The following MAML1 variants were observed in gnomAD, a reference collection of about 807,000 sequenced individuals.
MAML1 encodes mastermind-like protein 1.
Under a neutral mutation model 77.1 loss-of-function variants are expected in MAML1, and 14 were observed. The ratio of observed to expected loss-of-function variants is 0.18; its 90% CI spans 0.12 to 0.28. The LOEUF (loss-of-function observed/expected upper bound fraction) is 0.28, where lower values mean the gene tolerates loss of function less well. Among genes scored for constraint, MAML1 ranks in the 10% least tolerant of loss-of-function variants. The probability of loss-of-function intolerance (pLI) is 1.00; values close to 1 mark genes in which losing one functional copy is unlikely to be tolerated. For synonymous variants in MAML1, 516 were observed against 551.9 expected, an observed-to-expected ratio of 0.93 and a Z score of 0.91; for missense variants, 1,217 against 1,327.8, an observed-to-expected ratio of 0.92 and a Z score of 1.30.
At chr5:179,753,651 A>ATTTTTTTTT (rs372124056) in intron 1 of MAML1, among the ~76,000 whole-genome samples, 31 of 66,356 alleles carry the variant, frequency 4.7e-4, no homozygotes, top group East Asian at 1.3e-3. Context: ...TATTATTATT[A>ATTTTTTTTT]TTATTTTTTT....
At chr5:179,761,288 G>C (rs1779721374) in intron 1 of MAML1, among the ~76,000 whole-genome samples, 1 of 152,144 alleles carries the variant, frequency 6.6e-6, no homozygotes, top group Admixed American at 6.5e-5. Flanking sequence ...CAGCTACTCA[G>C]GAGGCTGAGG....
At chr5:179,737,974 T>G (rs1194680199) in intron 1 of MAML1, among the ~76,000 whole-genome samples, 2 of 148,328 alleles carry the variant, frequency 1.3e-5, no homozygotes, top group Non-Finnish European at 1.5e-5. Flanking sequence ...GTTTTAAAGT[T>G]TTTTGTAGAG....
chr5:179,767,008 C>T (rs1779832743), intron 2 of MAML1, among the ~76,000 whole-genome samples: 1 of 151,136 alleles, frequency 6.6e-6, no homozygotes, highest in African/African-American at 2.4e-5. Context: ...TCCACTGTCT[C>T]TTTCGTGCCG....
chr5:179,765,421 TAAG>T lies in MAML1; in HGVS notation c.416_418del (p.Lys139del). On this transcript the variant is annotated inframe_deletion, in exon 2 of 5. Coordinates refer to ENST00000292599, the MANE Select transcript of MAML1 (RefSeq NM_014757.5). ...GCTACGGGGACCTCTTTCCTGGGCA[TAAG>T]AAGACTCGCCGGGAGGCCCCTCTGG... 1 of 1,614,220 alleles carries T rather than the reference TAAG, an allele frequency of 6.2e-7. No individual in the cohort carries two copies. Among genetic ancestry groups the T allele is most frequent in the Non-Finnish European group, 8.5e-7 (1 of 1,180,030 alleles).
chr5:179,775,711 C>T lies in MAML1; in HGVS notation c.*834C>T. 1 of 985,474 alleles carries T rather than the reference C, an allele frequency of 1.0e-6. No homozygotes were observed. The highest frequency in any genetic ancestry group is 1.7e-5 in the African/African-American group (1 of 57,352). 61.0% of individuals were successfully genotyped at this position (985,474 alleles called of 1,614,324 possible). ...TATCCTGGAGTATTATGTCTCCCCA[C>T]CTTCTGCAGTTTTCTCTGAACATGT... On this transcript the variant is annotated 3_prime_UTR_variant, in exon 5 of 5. Transcript: ENST00000292599.
Position 179,769,184 on chromosome 5 carries a change from T to C in MAML1, c.1971+95T>C, listed in dbSNP as rs926999132. On this transcript the variant is annotated intron_variant, in intron 3 of 4. Transcript: ENST00000292599. This position sits in a 1 kb window ranked among gnomAD's most constrained non-coding sequence, Gnocchi z 4.2. ...ACACCTTCTGCTTGTGCGTGTGGATTTGCGCAGACTTGCGTGCCTGTTGTT... is the reference window on the plus strand; with the variant it reads ...ACACCTTCTGCTTGTGCGTGTGGATCTGCGCAGACTTGCGTGCCTGTTGTT... The C allele has an allele frequency of 2.0e-6, 3 of 1,507,664 alleles. No homozygotes were observed. In the South Asian group the frequency reaches 3.8e-5, roughly 19 times the overall value. 93.4% of individuals were successfully genotyped at this position (1,507,664 alleles called of 1,614,324 possible).
intron 4 of MAML1, 110 bp from the exon 5 acceptor site, chr5:179,773,785 C>T: frequency 1.3e-6 from 2 of 1,506,156 alleles, no homozygotes; most frequent in Non-Finnish European, 1.8e-6. Context: ...GCCCCCGGGG[C>T]CCTCTTCCCA....
At chr5:179,740,413 G>A (rs888918282) in intron 1 of MAML1, among the ~76,000 whole-genome samples, 1 of 152,122 alleles carries the variant, frequency 6.6e-6, no homozygotes, top group African/African-American at 2.4e-5. Flanking sequence ...TGGGACTACA[G>A]GTGCCCGCCA....
In MAML1 at chr5:179,768,923, T is replaced by C; in HGVS notation, c.1805T>C (p.Val602Ala). 6.2e-7 allele frequency: 1 copy of C among 1,614,140 alleles called. No individual in the cohort carries two copies. The highest frequency in any genetic ancestry group is 8.5e-7 in the Non-Finnish European group (1 of 1,180,038). Residue 602 changes from valine to alanine, a missense_variant, in exon 3 of 5, where the codon GTG becomes GCG. Transcript: ENST00000292599. ...GGGACCCAGCCGCCTGCCGTGTCCGTGGCCAGCTCCCACAACAGCTCCCCC... is the reference window on the plus strand; with the variant it reads ...GGGACCCAGCCGCCTGCCGTGTCCGCGGCCAGCTCCCACAACAGCTCCCCC... ...SVGTQPPAVSVASSHNSSPYL... is the reference protein window; with the variant it reads ...SVGTQPPAVSAASSHNSSPYL...
rs1036908774 is a variant in MAML1, at chr5:179,756,180, C to A, written c.316-9146C>A. Among the ~76,000 whole-genome samples the A allele has an allele frequency of 2.0e-5, 3 of 151,346 alleles. No individual in the cohort carries two copies. In the South Asian group the frequency reaches 6.3e-4, roughly 32 times the overall value. On this transcript the variant is annotated intron_variant, in intron 1 of 4. Transcript: ENST00000292599. ...GTGGCTCATGCCTGTAATCCCAGCACTTTTGGAGGCCGAGGCAGGTGGATC... is the reference window on the plus strand; with the variant it reads ...GTGGCTCATGCCTGTAATCCCAGCAATTTTGGAGGCCGAGGCAGGTGGATC...
At chr5:179,733,924 T>G (rs982002509) in intron 1 of MAML1, among the ~76,000 whole-genome samples, 1 of 152,172 alleles carries the variant, frequency 6.6e-6, no homozygotes, top group African/African-American at 2.4e-5. Flanking sequence ...GAATGGAAAA[T>G]CAAGAAATTT....
Position 179,740,808 on chromosome 5 carries a change from A to C in MAML1, c.315+7381A>C, listed in dbSNP as rs558439828. 3.1e-3 allele frequency among the ~76,000 whole-genome samples: 474 copies of C among 152,184 alleles called. 2 individuals are homozygous for C. Among genetic ancestry groups the C allele is most frequent in the African/African-American group, 0.011 (437 of 41,510 alleles). ...CTTTGTTTTGCGGGCAGGAGAGGGG[A>C]GTATTCAAGGGAAATTCCTAGTTTT... On this transcript the variant is annotated intron_variant, in intron 1 of 4. Transcript: ENST00000292599.
In MAML1 at chr5:179,777,121, A is replaced by T; in HGVS notation, c.*2244A>T. On this transcript the variant is annotated 3_prime_UTR_variant, in exon 5 of 5. Coordinates refer to ENST00000292599, the MANE Select transcript of MAML1 (RefSeq NM_014757.5). ...GGGGAGCTATGATAAGTTTTATGGC[A>T]AACGGTTGGTATTGTTAACTTTTTA... 1 of 985,776 alleles carries T rather than the reference A, an allele frequency of 1.0e-6. No homozygotes were observed. The highest frequency in any genetic ancestry group is 4.7e-5 in the South Asian group (1 of 21,286). The allele number at this position is 985,776 out of a possible 1,614,324, so 61.1% of individuals were successfully genotyped here.
At chr5:179,738,122 A>C (rs1309979000) in intron 1 of MAML1, among the ~76,000 whole-genome samples, 5 of 152,152 alleles carry the variant, frequency 3.3e-5, no homozygotes, top group Non-Finnish European at 5.9e-5. Flanking sequence ...GTTTGGTACA[A>C]AGAACATCTG....
chr5:179,765,132 G>A (rs894723894), intron 1 of MAML1, among the ~76,000 whole-genome samples, 194 bp from the exon 2 acceptor site: 1 of 151,998 alleles, frequency 6.6e-6, no homozygotes, highest in African/African-American at 2.4e-5. Flanking sequence ...AAGCACTTTA[G>A]CTAGACATCA....
At position 179,765,491 on chromosome 5, in the gene MAML1, C is replaced by A. The variant is rs1285829322; in HGVS notation, c.481C>A (p.Leu161Ile). 2 of 1,614,166 alleles carry A rather than the reference C, an allele frequency of 1.2e-6. No individual in the cohort carries two copies. Among genetic ancestry groups the A allele is most frequent in the Non-Finnish European group, 1.7e-6 (2 of 1,180,010 alleles). ...SSNGLPPASP[L>I]GQSDKPSGAD... ...CAATGGACTGCCTCCAGCCTCCCCC[C>A]TCGGTCAGTCTGACAAGCCTTCTGG... Residue 161 changes from leucine to isoleucine, a missense_variant, in exon 2 of 5, where the codon CTC becomes ATC. By Grantham distance (5) the Leu-to-Ile change is conservative. Transcript: ENST00000292599.
In MAML1 at chr5:179,775,312, T is replaced by C; in HGVS notation, c.*435T>C. On this transcript the variant is annotated 3_prime_UTR_variant, in exon 5 of 5. Transcript: ENST00000292599. ...TTAGATAGCAGAATTATTTGCAATT[T>C]GTAGCATAGAAAAGATTTTTAAATT... 2 of 989,046 alleles carry C rather than the reference T, an allele frequency of 2.0e-6. No individual in the cohort carries two copies. The highest frequency in any genetic ancestry group is 2.4e-6 in the Non-Finnish European group (2 of 832,768). 61.3% of individuals were successfully genotyped at this position (989,046 alleles called of 1,614,324 possible).
intron 1 of MAML1, 40 bp downstream of exon 1, chr5:179,733,467 C>T (rs776996361): frequency 1.2e-5 from 13 of 1,086,152 alleles, no homozygotes; most frequent in Non-Finnish European, 1.5e-5. Context: ...TGGCGGCAGC[C>T]CCCTCTCCCG....
intron 1 of MAML1, among the ~76,000 whole-genome samples, chr5:179,763,683 G>A (rs1010944037): frequency 3.9e-5 from 6 of 152,162 alleles, no homozygotes; most frequent in African/African-American, 1.2e-4. Context: ...ACTGATGCCC[G>A]TGGAGTTGCC....
Sources: gnomAD v4.1 joint callset for allele counts (sites outside exome capture counted in the v4.1 genomes callset) on GRCh38, gnomAD v4.1.1 for gene constraint, Gnocchi (gnomAD v3.1) non-coding constraint, MANE v1.5 for transcripts, NCBI Gene and HGNC (gene_info 2026-07-23, HGNC 2026-07-21) for gene names.